Variants in ARSG observed in about 807,000 individuals in gnomAD.
The protein encoded by ARSG is ASG.
ARSG carries 37 observed loss-of-function variants against 50.5 expected under a neutral mutation model. The ratio of observed to expected loss-of-function variants is 0.73; its 90% CI spans 0.56 to 0.96. The LOEUF (loss-of-function observed/expected upper bound fraction) is 0.96. Among genes scored for constraint, ARSG ranks in the 50% least tolerant of loss-of-function variants. The pLI, the probability that ARSG is intolerant of heterozygous loss-of-function variation, is 0.00. For synonymous variants in ARSG, 225 were observed against 254.6 expected (o/e 0.88, Z 1.11); for missense variants, 629 against 675.3 (o/e 0.93, Z 0.76).
At chr17:68,344,237 A>G (rs564176544) in intron 3 of ARSG, among the ~76,000 whole-genome samples, 2 of 152,284 alleles carry the variant, frequency 1.3e-5, no homozygotes, top group East Asian at 3.9e-4. Context: ...AATTGCACTT[A>G]TATCTTATTG....
At chr17:68,434,629 G>C in the ARSG span, 1 of 1,613,872 alleles carries the variant, frequency 6.2e-7, no homozygotes, top group Non-Finnish European at 8.5e-7. Flanking sequence ...ACTGTGCCCT[G>C]GAAAAGAAAG....
intron 9 of ARSG, among the ~76,000 whole-genome samples, chr17:68,389,060 G>C (rs9904457): frequency 0.75 from 114,156 of 152,132 alleles, 42,969 homozygotes; most frequent in African/African-American, 0.81. Context: ...TGGCCTGTCC[G>C]AAGGCACCGG....
intron 1 of ARSG, among the ~76,000 whole-genome samples, chr17:68,296,825 T>C (rs533081711): frequency 6.6e-6 from 1 of 152,310 alleles, no homozygotes; most frequent in East Asian, 1.9e-4. Context: ...ACACATGCGA[T>C]TGTTACGTAA....
chr17:68,358,668 G>A (rs182916888), intron 6 of ARSG, among the ~76,000 whole-genome samples: 123 of 151,552 alleles, frequency 8.1e-4, no homozygotes, highest in African/African-American at 2.9e-3. Flanking sequence ...CAGCCTGGGC[G>A]ACAGAGCAAG....
chr17:68,430,901 A>C, the ARSG span, among the ~76,000 whole-genome samples: 1 of 152,178 alleles, frequency 6.6e-6, no homozygotes, highest in African/African-American at 2.4e-5. Context: ...CCTGGTGGGA[A>C]GCTCGCCCTG....
chr17:68,269,787 C>CAG (rs1555747852), intron 1 of ARSG, among the ~76,000 whole-genome samples: 3 of 149,102 alleles, frequency 2.0e-5, no homozygotes, highest in African/African-American at 7.5e-5. Flanking sequence ...GATTCTCCTG[C>CAG]CTCAGCCTCC....
chr17:68,283,403 C>T (rs1555753469), intron 1 of ARSG, among the ~76,000 whole-genome samples: 3 of 152,084 alleles, frequency 2.0e-5, no homozygotes, highest in Admixed American at 6.6e-5. Context: ...CGCCTGTAGT[C>T]CCAGCTACTC....
At position 68,420,807 on chromosome 17, in the gene ARSG, G is replaced by C. The variant is rs2082723048; in HGVS notation, c.*344G>C. The C allele has an allele frequency of 3.6e-6, 1 of 280,386 alleles. No homozygotes were observed. The highest frequency in any genetic ancestry group is 2.2e-5 in the African/African-American group (1 of 45,672). The allele number at this position is 280,386 out of a possible 1,614,324, so 17.4% of individuals were successfully genotyped here. ...ATAAAGGCATACATGAAAATGCCTG[G>C]CAAATTACCTGACACAGAGCAGACA... On this transcript the variant is annotated 3_prime_UTR_variant, in exon 12 of 12. Transcript: ENST00000621439.
chr17:68,351,892 T>C (rs1252109509), intron 5 of ARSG, among the ~76,000 whole-genome samples: 1 of 152,166 alleles, frequency 6.6e-6, no homozygotes, highest in Non-Finnish European at 1.5e-5. Context: ...AATTCTTCTA[T>C]TGAAATTTTT....
chr17:68,438,365 G>A, the ARSG span, among the ~76,000 whole-genome samples: 2 of 152,234 alleles, frequency 1.3e-5, no homozygotes, highest in African/African-American at 4.8e-5. Context: ...TGAATTCTTT[G>A]CTATCCAAAT....
chr17:68,382,472 A>G (rs913562739), intron 8 of ARSG, among the ~76,000 whole-genome samples: 2 of 152,210 alleles, frequency 1.3e-5, no homozygotes, highest in Non-Finnish European at 2.9e-5. Flanking sequence ...TATTACTATT[A>G]TGTTTAACTT....
chr17:68,320,002 C>T (rs782321795), intron 2 of ARSG, among the ~76,000 whole-genome samples: 4 of 152,162 alleles, frequency 2.6e-5, no homozygotes, highest in South Asian at 2.1e-4. Flanking sequence ...AAGATAGTGC[C>T]GTGGCTGGGT....
intron 1 of ARSG, among the ~76,000 whole-genome samples, chr17:68,262,762 A>G (rs1210141961): frequency 1.3e-5 from 2 of 152,136 alleles, no homozygotes; most frequent in Non-Finnish European, 2.9e-5. Context: ...TCCTGGATAT[A>G]TTTAGAAAGG....
chr17:68,326,106 G>T (rs1555772300), intron 2 of ARSG, among the ~76,000 whole-genome samples: 2 of 152,150 alleles, frequency 1.3e-5, no homozygotes, highest in African/African-American at 4.8e-5. Flanking sequence ...CTGCTCTTGT[G>T]GAACTCTAAC....
At chr17:68,364,848 G>A (rs2079469303) in intron 6 of ARSG, among the ~76,000 whole-genome samples, 1 of 152,168 alleles carries the variant, frequency 6.6e-6, no homozygotes, top group African/African-American at 2.4e-5. Flanking sequence ...CAGCACAGGT[G>A]CATAATGAAG....
the ARSG span, chr17:68,429,853 T>TGA: frequency 8.4e-7 from 1 of 1,190,166 alleles, no homozygotes; most frequent in South Asian, 1.3e-5. Flanking sequence ...CCTCCCAAGG[T>TGA]TCCGGGATTA....
chr17:68,291,360 G>A (rs2075981324), upstream of ARSG: 1 of 147,570 alleles, frequency 6.8e-6, no homozygotes, highest in Admixed American at 6.7e-5. Context: ...CCGCGCCCCG[G>A]CCCCGCGTCG....
chr17:68,289,468 G>A (rs187719531), upstream of ARSG, among the ~76,000 whole-genome samples: 39 of 152,280 alleles, frequency 2.6e-4, no homozygotes, highest in African/African-American at 7.5e-4. Flanking sequence ...GTTTCAAAAC[G>A]CAGGCTCTGG....
At chr17:68,348,471 C>T (rs865810329) in intron 4 of ARSG, among the ~76,000 whole-genome samples, 2 of 152,182 alleles carry the variant, frequency 1.3e-5, no homozygotes, top group Admixed American at 6.5e-5. Context: ...CAGACAATTC[C>T]AAAAAGCCTT....
Sources: allele counts gnomAD v4.1 joint callset (sites outside exome capture counted in the v4.1 genomes callset), GRCh38; gene constraint gnomAD v4.1.1; transcripts MANE v1.5; gene names NCBI Gene and HGNC (gene_info 2026-07-23, HGNC 2026-07-21).